SHISA6: variants seen among roughly 807,000 people sequenced by gnomAD.
SHISA6 encodes shisa family member 6.
In SHISA6, 22 loss-of-function variants were observed where a neutral mutation model predicts 47.9. That is an observed-to-expected ratio of 0.46 (90% CI 0.33 to 0.66). The LOEUF (loss-of-function observed/expected upper bound fraction) is 0.66, where lower values mean the gene tolerates loss of function less well. Ranked by LOEUF, SHISA6 falls within the 30% of genes least tolerant of loss-of-function variation. The pLI is 0.02. For synonymous variants in SHISA6, 388 were observed against 337.8 expected, an observed-to-expected ratio of 1.15 and a Z score of -1.63; for missense variants, 680 against 764.6, an observed-to-expected ratio of 0.89 and a Z score of 1.30.
At chr17:11,262,426 G>T (rs1428888766) in intron 1 of SHISA6, among the ~76,000 whole-genome samples, 1 of 152,198 alleles carries the variant, frequency 6.6e-6, no homozygotes, top group Non-Finnish European at 1.5e-5. Flanking sequence ...GTTTCTTGTG[G>T]CTGTCCACAC....
chr17:11,393,309 C>G (rs2142257506), intron 3 of SHISA6, among the ~76,000 whole-genome samples: 1 of 152,286 alleles, frequency 6.6e-6, no homozygotes, highest in South Asian at 2.1e-4. Context: ...CGTTACCATT[C>G]TATTTCATTC....
intron 3 of SHISA6, among the ~76,000 whole-genome samples, chr17:11,481,854 T>C (rs541702545): frequency 6.6e-6 from 1 of 151,324 alleles, no homozygotes; most frequent in Non-Finnish European, 1.5e-5. Context: ...AATAACAGCA[T>C]GAGAAATGGC....
chr17:11,499,414 C>T (rs1194820398), intron 3 of SHISA6, among the ~76,000 whole-genome samples: 1 of 152,134 alleles, frequency 6.6e-6, no homozygotes, highest in Non-Finnish European at 1.5e-5. Context: ...AACACACACA[C>T]AACCTCTGCT....
chr17:11,457,740 C>CAAAA (rs56835775), intron 3 of SHISA6, among the ~76,000 whole-genome samples: 6,908 of 101,622 alleles, frequency 0.068, 275 homozygotes, highest in Non-Finnish European at 0.095. Context: ...GACTCAGTCT[C>CAAAA]AAAAAAAAAA....
At chr17:11,468,927 A>C (rs1915871265) in intron 3 of SHISA6, among the ~76,000 whole-genome samples, 1 of 145,328 alleles carries the variant, frequency 6.9e-6, no homozygotes, top group Non-Finnish European at 1.5e-5. Context: ...AGGATGAGGC[A>C]GGAGAATGAA....
intron 2 of SHISA6, among the ~76,000 whole-genome samples, chr17:11,373,763 G>C (rs1912701189): frequency 6.6e-6 from 1 of 152,190 alleles, no homozygotes; most frequent in African/African-American, 2.4e-5. Context: ...TACTGTATAA[G>C]AATACATTGT....
chr17:11,363,561 A>G (rs564204302), intron 2 of SHISA6, among the ~76,000 whole-genome samples: 1 of 152,312 alleles, frequency 6.6e-6, no homozygotes, highest in African/African-American at 2.4e-5. Context: ...CATTTAAAGA[A>G]ATAAGAACAG....
At chr17:11,247,796 A>G (rs998770042) in intron 1 of SHISA6, among the ~76,000 whole-genome samples, 3 of 129,544 alleles carry the variant, frequency 2.3e-5, no homozygotes, top group African/African-American at 9.0e-5. Flanking sequence ...TTTTTTTGAG[A>G]TGGAGTCTTG....
intron 2 of SHISA6, among the ~76,000 whole-genome samples, chr17:11,351,748 T>G (rs1245293160): frequency 2.0e-5 from 3 of 152,214 alleles, no homozygotes; most frequent in Admixed American, 2.0e-4. Flanking sequence ...GGATGCTTTT[T>G]GAATGAAGAA....
At chr17:11,343,621 G>A (rs769644478) in intron 2 of SHISA6, among the ~76,000 whole-genome samples, 1 of 152,176 alleles carries the variant, frequency 6.6e-6, no homozygotes, top group Non-Finnish European at 1.5e-5. Context: ...GATGGGAGGT[G>A]GTTAAATCCA....
At chr17:11,320,887 G>GTATC (rs985185752) in intron 2 of SHISA6, among the ~76,000 whole-genome samples, 2 of 152,204 alleles carry the variant, frequency 1.3e-5, no homozygotes, top group African/African-American at 4.8e-5. Flanking sequence ...TTGTGAAAAT[G>GTATC]TATCATCTGA....
chr17:11,311,106 CAAAAAAAAAAAAA>C (rs71139101), intron 2 of SHISA6, among the ~76,000 whole-genome samples: 1 of 48,580 alleles, frequency 2.1e-5, no homozygotes, highest in Non-Finnish European at 3.7e-5. Context: ...GACTCCATCT[CAAAAAAAAAAAAA>C]AAAAAAAAAA....
chr17:11,380,912 C>T (rs1312338693), intron 3 of SHISA6, among the ~76,000 whole-genome samples: 2 of 152,306 alleles, frequency 1.3e-5, no homozygotes, highest in East Asian at 3.9e-4. Context: ...AGTGTCTTCA[C>T]TGCATGGTGC....
At chr17:11,289,568 A>G (rs1018079376) in intron 2 of SHISA6, 5 of 133,888 alleles carry the variant, frequency 3.7e-5, no homozygotes, top group African/African-American at 1.3e-4. Flanking sequence ...AAATATAAAT[A>G]TACATACAAA....
At chr17:11,258,000 A>T (rs552215984) in intron 1 of SHISA6, among the ~76,000 whole-genome samples, 121 of 152,280 alleles carry the variant, frequency 7.9e-4, no homozygotes, top group African/African-American at 2.6e-3. Flanking sequence ...TGAATTTTAT[A>T]AAAAAATTAA....
At chr17:11,522,276 ATTAT>A (rs1345803041) in intron 3 of SHISA6, among the ~76,000 whole-genome samples, 1 of 149,614 alleles carries the variant, frequency 6.7e-6, no homozygotes, top group Non-Finnish European at 1.5e-5. Context: ...TATTATTATT[ATTAT>A]TTAGTTACAG....
chr17:11,259,627 T>TA (rs1243838406), intron 1 of SHISA6, among the ~76,000 whole-genome samples: 1 of 152,348 alleles, frequency 6.6e-6, no homozygotes, highest in East Asian at 1.9e-4. Flanking sequence ...ACTAAGCACT[T>TA]ACGGAAATTC....
intron 2 of SHISA6, among the ~76,000 whole-genome samples, chr17:11,367,622 A>C (rs1912499728): frequency 6.6e-6 from 1 of 152,172 alleles, no homozygotes; most frequent in African/African-American, 2.4e-5. Flanking sequence ...AACACACCCC[A>C]GGTGCTGTTC....
chr17:11,474,581 C>T (rs996057468), intron 3 of SHISA6, among the ~76,000 whole-genome samples: 5 of 151,960 alleles, frequency 3.3e-5, no homozygotes, highest in Non-Finnish European at 7.4e-5. Context: ...ATTGTATTAC[C>T]TTTGCTTCTT....
Sources: gnomAD v4.1 joint callset for allele counts (sites outside exome capture counted in the v4.1 genomes callset) on GRCh38, gnomAD v4.1.1 for gene constraint, MANE v1.5 for transcripts, NCBI Gene and HGNC (gene_info 2026-07-23, HGNC 2026-07-21) for gene names.